Variants in POU6F2 observed in about 807,000 individuals in gnomAD.
POU6F2 encodes the protein POU class 6 homeobox 2.
A neutral mutation model predicts 71.3 loss-of-function variants in POU6F2; 31 were observed. The observed-to-expected ratio is 0.43, with a 90% CI of 0.33 to 0.59. The LOEUF is 0.59. POU6F2 is among the 20% of genes least tolerant of loss of function. POU6F2 has a pLI of 0.04. For missense variants in POU6F2, 783 were observed against 856.8 expected (o/e 0.91, Z 1.07); for synonymous variants, 347 against 355.7 (o/e 0.98, Z 0.27).
At chr7:39,295,040 G>C (rs994954704) in intron 4 of POU6F2, among the ~76,000 whole-genome samples, 2 of 152,056 alleles carry the variant, frequency 1.3e-5, no homozygotes, top group Admixed American at 1.3e-4. Flanking sequence ...ATTATGAATA[G>C]ATTCTCATTT....
intron 3 of POU6F2, among the ~76,000 whole-genome samples, chr7:39,206,007 A>G (rs1234870852): frequency 1.3e-5 from 2 of 152,198 alleles, no homozygotes; most frequent in South Asian, 2.1e-4. Flanking sequence ...CCCCCTCTCA[A>G]CTAGACATGG....
chr7:39,349,048 A>G (rs1035584413), intron 5 of POU6F2, among the ~76,000 whole-genome samples: 3 of 152,206 alleles, frequency 2.0e-5, no homozygotes, highest in African/African-American at 7.2e-5. Context: ...CAGCACAACT[A>G]AAATAACCTC....
rs73367208 is a variant in POU6F2, at chr7:39,198,567, T to C, written c.278-5668T>C. Among the ~76,000 whole-genome samples the C allele has an allele frequency of 8.3e-3, 1,262 of 152,354 alleles. 15 individuals are homozygous for C. Among genetic ancestry groups the C allele is most frequent in the African/African-American group, 0.029 (1,215 of 41,582 alleles). On this transcript the variant is annotated intron_variant, in intron 2 of 9. Transcript: ENST00000518318. ...ACAGTCTTGGTTCTCCAGGTCTCAA[T>C]AGGTGAATTTACAAGTACCTGACAA... is the stretch of plus-strand genomic sequence containing the variant.
chr7:39,287,946 C>T (rs1251068509), intron 4 of POU6F2, among the ~76,000 whole-genome samples: 1 of 152,152 alleles, frequency 6.6e-6, no homozygotes, highest in Non-Finnish European at 1.5e-5. Context: ...TGTATATTGA[C>T]TGAACCTGTA....
chr7:39,171,898 C>G (rs1793225198), intron 2 of POU6F2, among the ~76,000 whole-genome samples: 2 of 152,176 alleles, frequency 1.3e-5, no homozygotes, highest in Non-Finnish European at 2.9e-5. Context: ...AGTTTCATGA[C>G]TGTTAAGGAG....
At position 39,041,094 on chromosome 7, in the gene POU6F2, A is replaced by C. The variant is rs184559559; in HGVS notation, c.106-44766A>C. Among the ~76,000 whole-genome samples the C allele has an allele frequency of 1.7e-4, 26 of 152,106 alleles. No individual in the cohort carries two copies. The East Asian group carries it at 4.7e-3, about 27-fold the overall frequency. On this transcript the variant is annotated intron_variant, in intron 1 of 9. Transcript: ENST00000518318. ...TTCAATGAGAGATGGATCCCAACACACCAGTGGTGTGTACTGTATGTTTTA... is the reference window on the plus strand; with the variant it reads ...TTCAATGAGAGATGGATCCCAACACCCCAGTGGTGTGTACTGTATGTTTTA...
intron 5 of POU6F2, among the ~76,000 whole-genome samples, chr7:39,405,200 AAT>A (rs1441808190): frequency 6.6e-6 from 1 of 152,186 alleles, no homozygotes; most frequent in Non-Finnish European, 1.5e-5. Context: ...TTAATGAAAA[AAT>A]AGTTATTAAA....
At chr7:39,063,046 C>T (rs1019106657) in intron 1 of POU6F2, among the ~76,000 whole-genome samples, 3 of 152,056 alleles carry the variant, frequency 2.0e-5, no homozygotes, top group African/African-American at 7.2e-5. Flanking sequence ...GTCTGGATAG[C>T]TTTCTTCTGG....
chr7:39,306,011 A>AC (rs1424587706), intron 4 of POU6F2, among the ~76,000 whole-genome samples: 1 of 151,874 alleles, frequency 6.6e-6, no homozygotes, highest in African/African-American at 2.4e-5. Context: ...CCCTTTAAAA[A>AC]AAAAATCTAT....
At chr7:39,275,564 A>G (rs1784421200) in intron 4 of POU6F2, among the ~76,000 whole-genome samples, 1 of 152,226 alleles carries the variant, frequency 6.6e-6, no homozygotes. Flanking sequence ...TAAAGTTCAT[A>G]TGGAAACAAA....
chr7:39,239,066 T>C (rs1794728762), intron 4 of POU6F2, among the ~76,000 whole-genome samples: 1 of 152,168 alleles, frequency 6.6e-6, no homozygotes, highest in Non-Finnish European at 1.5e-5. Context: ...GGTAATTACA[T>C]ATGTAGACAT....
intron 2 of POU6F2, among the ~76,000 whole-genome samples, chr7:39,124,958 T>C (rs368373050): frequency 3.3e-5 from 5 of 152,140 alleles, no homozygotes; most frequent in East Asian, 1.9e-4. Flanking sequence ...TATAGGAACA[T>C]TGATAAATTT....
intron 4 of POU6F2, among the ~76,000 whole-genome samples, chr7:39,286,056 C>T (rs1784644225): frequency 1.3e-5 from 2 of 152,188 alleles, no homozygotes; most frequent in Admixed American, 6.5e-5. Context: ...TGTACTTAAG[C>T]CTCATCTCTA....
intron 5 of POU6F2, among the ~76,000 whole-genome samples, chr7:39,385,755 G>T (rs1427598983): frequency 6.6e-6 from 1 of 152,110 alleles, no homozygotes; most frequent in African/African-American, 2.4e-5. Flanking sequence ...GCCACCTGCT[G>T]TCAGCAGCCC....
chr7:39,091,123 C>T (rs187806392), intron 2 of POU6F2, among the ~76,000 whole-genome samples: 4 of 152,288 alleles, frequency 2.6e-5, no homozygotes, highest in Admixed American at 2.0e-4. Flanking sequence ...TAAATAAATC[C>T]ACTTTAAATA....
intron 4 of POU6F2, among the ~76,000 whole-genome samples, chr7:39,246,377 A>G (rs1184005562): frequency 6.6e-6 from 1 of 152,182 alleles, no homozygotes; most frequent in Non-Finnish European, 1.5e-5. Context: ...AAAGGGGAAA[A>G]CAGTGTCAGG....
chr7:38,980,575 G>T (rs1788292100), intron 1 of POU6F2, among the ~76,000 whole-genome samples: 1 of 152,148 alleles, frequency 6.6e-6, no homozygotes. Flanking sequence ...GAAAGGGATG[G>T]TTTATTTTTT....
intron 4 of POU6F2, among the ~76,000 whole-genome samples, chr7:39,280,006 A>G (rs1198021784): frequency 2.0e-5 from 3 of 152,074 alleles, no homozygotes; most frequent in Non-Finnish European, 1.5e-5. Context: ...TGGCCTCCCA[A>G]AGTGCTGGGA....
chr7:39,420,878 T>C (rs1281155804), intron 6 of POU6F2, among the ~76,000 whole-genome samples: 1 of 152,182 alleles, frequency 6.6e-6, no homozygotes, highest in Non-Finnish European at 1.5e-5. Flanking sequence ...AATTATAAAT[T>C]ATTGAGCTTA....
Sources: gnomAD v4.1 joint callset for allele counts (sites outside exome capture counted in the v4.1 genomes callset) on GRCh38, gnomAD v4.1.1 for gene constraint, MANE v1.5 for transcripts, NCBI Gene and HGNC (gene_info 2026-07-23, HGNC 2026-07-21) for gene names.